The following THSD4 variants were observed in gnomAD, a reference collection of about 807,000 sequenced individuals.
The protein encoded by THSD4 is thrombospondin type-1 domain-containing protein 4.
In THSD4, 69 loss-of-function variants were observed where a neutral mutation model predicts 119.0. That is an observed-to-expected ratio of 0.58 (90% CI 0.48 to 0.71). The LOEUF (loss-of-function observed/expected upper bound fraction) is 0.71, where lower values mean the gene tolerates loss of function less well. THSD4 is among the 30% of genes least tolerant of loss of function. The probability of loss-of-function intolerance (pLI) is 0.00; values close to 1 mark genes in which losing one functional copy is unlikely to be tolerated. For missense variants in THSD4, 1,393 were observed against 1,391.1 expected (o/e 1.00, Z -0.02); for synonymous variants, 524 against 540.4 (o/e 0.97, Z 0.42).
chr15:71,558,778 T>A (rs950437243), intron 7 of THSD4, among the ~76,000 whole-genome samples: 1 of 152,220 alleles, frequency 6.6e-6, no homozygotes, highest in Non-Finnish European at 1.5e-5. Context: ...GCCTCAGTTT[T>A]AAATATTTTT....
intron 3 of THSD4, among the ~76,000 whole-genome samples, chr15:71,169,569 T>C (rs1022571286): frequency 6.6e-6 from 1 of 152,220 alleles, no homozygotes; most frequent in African/African-American, 2.4e-5. Flanking sequence ...AGTGTGTTTA[T>C]ACAAGAGAAC....
At chr15:71,235,010 GT>G (rs1276001993) in intron 4 of THSD4, among the ~76,000 whole-genome samples, 1 of 152,196 alleles carries the variant, frequency 6.6e-6, no homozygotes, top group African/African-American at 2.4e-5. Context: ...ACCTAGTGTT[GT>G]TTTAATGTCT....
chr15:71,388,321 T>C (rs2046319711), intron 6 of THSD4, among the ~76,000 whole-genome samples: 1 of 152,184 alleles, frequency 6.6e-6, no homozygotes, highest in African/African-American at 2.4e-5. Context: ...AGGTACTTTA[T>C]AGTAGGAGAA....
Position 71,514,407 on chromosome 15 carries a change from A to G in THSD4, c.1152+102584A>G, listed in dbSNP as rs563093671. Among the ~76,000 whole-genome samples, 5 of 152,292 alleles carry G rather than the reference A, an allele frequency of 3.3e-5. No homozygotes were observed. The South Asian group carries it at 8.3e-4, about 25-fold the overall frequency. ...GGAGCCTGCCAGTAGAGAAGGTATT[A>G]AAGTTATTCTCTTGTTGGTATCCAA... On this transcript the variant is annotated intron_variant, in intron 7 of 17. Transcript: ENST00000261862.
At chr15:71,359,375 C>CGTTA (rs1393819891) in intron 6 of THSD4, among the ~76,000 whole-genome samples, 2 of 152,192 alleles carry the variant, frequency 1.3e-5, no homozygotes, top group African/African-American at 4.8e-5. Context: ...ACATTACTTA[C>CGTTA]GTTATCTCAT....
chr15:71,146,450 T>G (rs958489356), intron 2 of THSD4, among the ~76,000 whole-genome samples: 1 of 152,122 alleles, frequency 6.6e-6, no homozygotes, highest in Non-Finnish European at 1.5e-5. Flanking sequence ...GTAGTTTTTT[T>G]TTTTTTTTTT....
At position 71,564,748 on chromosome 15, in the gene THSD4, A is replaced by T. The variant is rs12913148; in HGVS notation, c.1153-95782A>T. Among the ~76,000 whole-genome samples the T allele has an allele frequency of 2.0e-4, 2 of 9,772 alleles. 1 individual carries two copies. The highest frequency in any genetic ancestry group is 7.4e-4 in the Non-Finnish European group (2 of 2,690). The allele number at this position is 9,772 out of a possible 152,430, so 6.4% of individuals were successfully genotyped here. A position where few individuals can be genotyped will look rare whatever the true frequency, so the allele number is the denominator to read the frequency against. Reference sequence around the variant, plus strand: ...TATTATAACATATAATACAATATATAGTATAACATATAATACAATATATAT... The same window carrying T: ...TATTATAACATATAATACAATATATTGTATAACATATAATACAATATATAT... On this transcript the variant is annotated intron_variant, in intron 7 of 17. Transcript: ENST00000261862.
At position 71,442,650 on chromosome 15, in the gene THSD4, GTGTGTGTGTGTATATATATA is replaced by G. The variant is rs2047119596; in HGVS notation, c.1152+30829_1152+30848del. On this transcript the variant is annotated intron_variant, in intron 7 of 17. Transcript: ENST00000261862. ...TATATGTATGTGTGTGTATATGTGT[GTGTGTGTGTGTATATATATA>G]TATATATATATATATATATATATAT... is the stretch of plus-strand genomic sequence containing the variant. Among the ~76,000 whole-genome samples the G allele has an allele frequency of 2.4e-4, 6 of 24,754 alleles. 1 individual carries two copies. The highest frequency in any genetic ancestry group is 5.9e-4 in the African/African-American group (6 of 10,188). The allele number at this position is 24,754 out of a possible 152,430, so 16.2% of individuals were successfully genotyped here.
intron 7 of THSD4, among the ~76,000 whole-genome samples, chr15:71,438,121 G>T (rs528263619): frequency 6.6e-6 from 1 of 152,270 alleles, no homozygotes; most frequent in Admixed American, 6.5e-5. Flanking sequence ...GCTCTGTGCA[G>T]TGCCCTCCTC....
At position 71,256,667 on chromosome 15, in the gene THSD4, A is replaced by C. The variant is rs763503148; in HGVS notation, c.967A>C (p.Asn323His). 6.8e-6 allele frequency: 11 copies of C among 1,614,108 alleles called. No individual in the cohort carries two copies. Among genetic ancestry groups the C allele is most frequent in the Non-Finnish European group, 4.2e-6 (5 of 1,179,984 alleles). ...IREVQCASYN[N>H]KPFMGRFYEW... ...GGAGGTACAGTGTGCATCCTACAAC[A>C]ACAAGCCATTCATGGGCCGGTTTTA... Residue 323 changes from asparagine (N) to histidine (H), a missense_variant, in exon 6 of 18, where the codon AAC becomes CAC. Asn to His is a moderately conservative substitution (Grantham distance 68, BLOSUM62 1). Coordinates refer to ENST00000261862, the MANE Select transcript of THSD4 (RefSeq NM_024817.3).
chr15:71,469,282 T>A (rs1183263233), intron 7 of THSD4, among the ~76,000 whole-genome samples: 1 of 152,206 alleles, frequency 6.6e-6, no homozygotes, highest in South Asian at 2.1e-4. Flanking sequence ...GTGGTTGTCA[T>A]GGCTTTGTCC....
At chr15:71,742,997 G>T (rs2053265093) in intron 11 of THSD4, among the ~76,000 whole-genome samples, 1 of 152,178 alleles carries the variant, frequency 6.6e-6, no homozygotes, top group Non-Finnish European at 1.5e-5. Context: ...GGAGGTTGTG[G>T]TGAGCAGAGA....
rs547234425 is a variant in THSD4 at position 71,315,958 on chromosome 15, T to A, written c.1015+59243T>A. ...ATATAGCCTCATCCTCAAAAGTGAA[T>A]GTAGGATGACTTTCAAATTAGAAGT... On this transcript the variant is annotated intron_variant, in intron 6 of 17. Transcript: ENST00000261862. 4.6e-5 allele frequency among the ~76,000 whole-genome samples: 7 copies of A among 152,332 alleles called. No homozygotes were observed. In the South Asian group the frequency reaches 1.0e-3, roughly 23 times the overall value.
intron 4 of THSD4, among the ~76,000 whole-genome samples, chr15:71,230,698 C>T (rs944648537): frequency 6.6e-6 from 1 of 152,214 alleles, no homozygotes; most frequent in South Asian, 2.1e-4. Flanking sequence ...CCACCTCTGT[C>T]CCTGTTGGTC....
At chr15:71,279,293 C>T (rs958608255) in intron 6 of THSD4, among the ~76,000 whole-genome samples, 1 of 150,748 alleles carries the variant, frequency 6.6e-6, no homozygotes, top group Non-Finnish European at 1.5e-5. Context: ...AGCTTTGGCC[C>T]GTGTCCAGTG....
chr15:71,384,347 C>G (rs62015553), intron 6 of THSD4, among the ~76,000 whole-genome samples: 22,161 of 151,736 alleles, frequency 0.15, 1,741 homozygotes, highest in South Asian at 0.23. Context: ...CACTGCACTC[C>G]AGCCTGGGCA....
At chr15:71,275,905 C>T (rs1441826963) in intron 6 of THSD4, among the ~76,000 whole-genome samples, 1 of 152,192 alleles carries the variant, frequency 6.6e-6, no homozygotes, top group Non-Finnish European at 1.5e-5. Context: ...CCTCCCCAGC[C>T]ATGCTGAACT....
At chr15:71,278,372 G>A (rs2044615258) in intron 6 of THSD4, among the ~76,000 whole-genome samples, 1 of 152,058 alleles carries the variant, frequency 6.6e-6, no homozygotes, top group Non-Finnish European at 1.5e-5. Flanking sequence ...TTTTTATAGA[G>A]ACAGGGTTTT....
At chr15:71,760,782 A>G (rs184005890) in intron 15 of THSD4, among the ~76,000 whole-genome samples, 1 of 152,332 alleles carries the variant, frequency 6.6e-6, no homozygotes, top group East Asian at 1.9e-4. Context: ...GTACAGAAAC[A>G]TGCCTAATTG....
Sources: gnomAD v4.1 joint callset for allele counts (sites outside exome capture counted in the v4.1 genomes callset) on GRCh38, gnomAD v4.1.1 for gene constraint, MANE v1.5 for transcripts, NCBI Gene and HGNC (gene_info 2026-07-23, HGNC 2026-07-21) for gene names.